Variants in CAST observed in about 807,000 individuals in gnomAD.
CAST encodes calpastatin, also known as MIR583 host.
A neutral mutation model predicts 119.6 loss-of-function variants in CAST; 76 were observed. The ratio of observed to expected loss-of-function variants is 0.64; its 90% CI spans 0.53 to 0.77. CAST has a LOEUF of 0.77. CAST is among the 30% of genes least tolerant of loss of function. The pLI, the probability that CAST is intolerant of heterozygous loss-of-function variation, is 0.00. For synonymous variants in CAST, 319 were observed against 331.6 expected (o/e 0.96, Z 0.41); for missense variants, 953 against 946.5 (o/e 1.01, Z -0.09).
Position 96,748,523 on chromosome 5 carries a change from G to T in CAST, c.1338G>T (p.Arg446=). Residue 446 remains arginine (R), a synonymous_variant, in exon 19 of 32, where the codon CGG becomes CGT. Coordinates refer to ENST00000675179, the MANE Select transcript of CAST (RefSeq NM_001750.7). ...CAGCACTTCTTATATTACAGCCTCG[G>T]AGTGAATCAGAACTCATTGATGAAC... ...LPEPEEKPKP[R]SESELIDELS... 3 of 1,518,500 alleles carry T rather than the reference G, an allele frequency of 2.0e-6. No individual in the cohort carries two copies. The highest frequency in any genetic ancestry group is 2.7e-6 in the Non-Finnish European group (3 of 1,095,176). The allele number at this position is 1,518,500 out of a possible 1,614,324, so 94.1% of individuals were successfully genotyped here.
chr5:96,518,742 C>G, the CAST span, among the ~76,000 whole-genome samples: 1 of 152,120 alleles, frequency 6.6e-6, no homozygotes, highest in Non-Finnish European at 1.5e-5. Flanking sequence ...CTTAAAGAAT[C>G]GCTGTGAGGG....
At chr5:96,298,687 C>T in the CAST span, among the ~76,000 whole-genome samples, 1 of 152,060 alleles carries the variant, frequency 6.6e-6, no homozygotes, top group Non-Finnish European at 1.5e-5. Context: ...CTTTTGAAAA[C>T]CACTAACTAT....
the CAST span, among the ~76,000 whole-genome samples, chr5:96,249,466 G>T: frequency 6.9e-4 from 105 of 152,322 alleles, no homozygotes; most frequent in Non-Finnish European, 1.3e-3. Flanking sequence ...CAAAGTTATA[G>T]ATATTCAATT....
the CAST span, chr5:96,308,614 G>A: frequency 6.6e-6 from 1 of 152,100 alleles, no homozygotes; most frequent in Non-Finnish European, 1.5e-5. Flanking sequence ...GATCTTTGAT[G>A]TTGGTGACCT....
chr5:96,389,680 A>C, the CAST span, among the ~76,000 whole-genome samples: 5 of 152,290 alleles, frequency 3.3e-5, no homozygotes, highest in East Asian at 9.7e-4. Flanking sequence ...TGATGCCTGT[A>C]ATCCCAGCAC....
At chr5:96,616,310 A>T (rs972527809) in intron 1 of CAST, among the ~76,000 whole-genome samples, 4 of 152,154 alleles carry the variant, frequency 2.6e-5, no homozygotes, top group African/African-American at 4.8e-5. Context: ...CATGGAAGTG[A>T]TGCTCTGTAG....
intron 3 of CAST, among the ~76,000 whole-genome samples, chr5:96,699,495 C>T (rs1461250942): frequency 6.6e-6 from 1 of 152,234 alleles, no homozygotes; most frequent in East Asian, 1.9e-4. Flanking sequence ...GAGGCTTTCT[C>T]CTGCTGCCAC....
the CAST span, among the ~76,000 whole-genome samples, chr5:96,480,353 T>C: frequency 6.6e-6 from 1 of 152,192 alleles, no homozygotes; most frequent in South Asian, 2.1e-4. Flanking sequence ...TTTTGAATTA[T>C]TATGAATAAG....
At chr5:96,303,399 T>C in the CAST span, among the ~76,000 whole-genome samples, 2 of 152,222 alleles carry the variant, frequency 1.3e-5, no homozygotes, top group African/African-American at 2.4e-5. Flanking sequence ...GGATTTTCAA[T>C]ACATAACATC....
chr5:96,110,969 T>C, the CAST span: 2 of 152,226 alleles, frequency 1.3e-5, no homozygotes, highest in Non-Finnish European at 2.9e-5. Flanking sequence ...AGAGACCAAC[T>C]GGGGATCAAC....
At chr5:96,532,202 G>C (rs1246536744) in intron 1 of CAST, among the ~76,000 whole-genome samples, 1 of 152,070 alleles carries the variant, frequency 6.6e-6, no homozygotes, top group East Asian at 1.9e-4. Context: ...AATTATCAAA[G>C]ACATAATGCA....
intron 1 of CAST, among the ~76,000 whole-genome samples, chr5:96,596,758 G>A (rs1747057136): frequency 6.6e-6 from 1 of 152,170 alleles, no homozygotes; most frequent in Admixed American, 6.5e-5. Context: ...ACCATGTTGA[G>A]AATCCTCAGC....
In CAST at chr5:96,655,197, A is replaced by G. The variant is rs145874898; in HGVS notation, c.61-20342A>G. Among the ~76,000 whole-genome samples, 238 of 152,350 alleles carry G rather than the reference A, an allele frequency of 1.6e-3. 1 individual carries two copies. The highest frequency in any genetic ancestry group is 2.8e-3 in the Non-Finnish European group (190 of 68,032). On this transcript the variant is annotated intron_variant, in intron 1 of 11. Coordinates refer to the CAST transcript ENST00000505143. ...TGATGAGCAAGACCTGATGGTGGGT[A>G]AACATGTCCTGCTACTTGAAGAATG...
chr5:96,462,659 C>T, the CAST span, among the ~76,000 whole-genome samples: 81 of 152,050 alleles, frequency 5.3e-4, no homozygotes, highest in African/African-American at 1.6e-3. Flanking sequence ...CTTTCTGCAC[C>T]GATATTCTGA....
the CAST span, among the ~76,000 whole-genome samples, chr5:96,440,212 C>T: frequency 9.4e-5 from 14 of 148,530 alleles, no homozygotes; most frequent in Non-Finnish European, 1.9e-4. Context: ...TTCAGAAATC[C>T]TTAACTCTAT....
chr5:96,592,069 G>A (rs990129711), intron 1 of CAST, among the ~76,000 whole-genome samples: 2 of 152,218 alleles, frequency 1.3e-5, no homozygotes, highest in African/African-American at 4.8e-5. Flanking sequence ...TGTTTGACCA[G>A]TGCTTTGAAG....
chr5:96,762,229 A>G (rs756210081), intron 24 of CAST, 45 bp from the exon 25 acceptor site: 1 of 1,319,994 alleles, frequency 7.6e-7, no homozygotes, highest in Non-Finnish European at 1.1e-6. Context: ...TGTGCTCATA[A>G]TTTTATATAC....
chr5:96,487,353 A>G, the CAST span, among the ~76,000 whole-genome samples: 1 of 152,234 alleles, frequency 6.6e-6, no homozygotes, highest in South Asian at 2.1e-4. Context: ...ACATCATACT[A>G]TCATAGCATA....
intron 1 of CAST, among the ~76,000 whole-genome samples, chr5:96,646,401 G>C (rs1748014637): frequency 6.6e-6 from 1 of 152,196 alleles, no homozygotes; most frequent in Non-Finnish European, 1.5e-5. Flanking sequence ...GTTAAATGTA[G>C]TATGAAGCAA....
Sources: gnomAD v4.1 joint callset for allele counts (sites outside exome capture counted in the v4.1 genomes callset) on GRCh38, gnomAD v4.1.1 for gene constraint, MANE v1.5 for transcripts, NCBI Gene and HGNC (gene_info 2026-07-23, HGNC 2026-07-21) for gene names.